Variants in CSTF2 observed in about 807,000 individuals in gnomAD.
CSTF2 encodes the protein CF-1 64 kDa subunit.
A neutral mutation model predicts 45.4 loss-of-function variants in CSTF2; 8 were observed. That is an observed-to-expected ratio of 0.18 (90% CI 0.10 to 0.32). The LOEUF is 0.32. CSTF2 is among the 10% of genes least tolerant of loss of function. The pLI, the probability that CSTF2 is intolerant of heterozygous loss-of-function variation, is 1.00. For missense variants in CSTF2, 253 were observed against 477.1 expected, an observed-to-expected ratio of 0.53 and a Z score of 4.38; for synonymous variants, 155 against 158.9, an observed-to-expected ratio of 0.98 and a Z score of 0.18.
At chrX:100,834,816 A>G (rs542493468) in intron 11 of CSTF2, among the ~76,000 whole-genome samples, 186 of 112,163 alleles carry the variant, frequency 1.7e-3, no homozygotes, top group Non-Finnish European at 2.7e-3. Context: ...CAAACAAATA[A>G]CTACATAATG....
intron 7 of CSTF2, among the ~76,000 whole-genome samples, chrX:100,827,731 T>A (rs968694564): frequency 8.9e-6 from 1 of 112,276 alleles, no homozygotes; most frequent in Non-Finnish European, 1.9e-5. Context: ...TTATCTTTCA[T>A]GACAGGAGGT....
At chrX:100,829,259 G>T (rs185254079) in intron 8 of CSTF2, among the ~76,000 whole-genome samples, 10 of 111,790 alleles carry the variant, frequency 8.9e-5, no homozygotes, top group Non-Finnish European at 1.9e-4. Context: ...GGAGGCTGAG[G>T]TGGGTGGATT....
chrX:100,821,379 C>A, intron 1 of CSTF2, 148 bp from the exon 2 acceptor site: 1 of 441,651 alleles, frequency 2.3e-6, no homozygotes, highest in East Asian at 3.8e-5. Context: ...TGGTATATTT[C>A]CTTTGTTAAG....
At position 100,824,103 on chromosome X, in the gene CSTF2, G is replaced by A. The variant is rs1216994433; in HGVS notation, c.565-17G>A. On this transcript the variant is annotated splice_polypyrimidine_tract_variant and intron_variant, in intron 5 of 13. Coordinates refer to ENST00000372972, the MANE Select transcript of CSTF2 (RefSeq NM_001325.3). The stretch of plus-strand genomic sequence containing the variant: ...TGTTAAACAGACAGCTCATAGGTTT[G>A]TCTTTTCACTTTTTAGAAAATTCTG... 1 of 1,208,816 alleles carries A rather than the reference G, an allele frequency of 8.3e-7. No homozygotes were observed. The highest frequency in any genetic ancestry group is 1.1e-6 in the Non-Finnish European group (1 of 894,653).
chrX:100,826,820 C>G, intron 7 of CSTF2, 63 bp downstream of exon 7: 2 of 1,079,208 alleles, frequency 1.9e-6, no homozygotes, highest in Non-Finnish European at 2.5e-6. Flanking sequence ...GCCACTGTTG[C>G]AGTGCAGCCA....
chrX:100,838,198 C>T, intron 12 of CSTF2, 41 bp from the exon 13 acceptor site: 2 of 1,088,171 alleles, frequency 1.8e-6, no homozygotes, highest in Admixed American at 6.1e-5. Flanking sequence ...TTTTAGCTGC[C>T]ATCATTAAAA....
intron 1 of CSTF2, chrX:100,820,794 TC>T (rs2084914271): frequency 2.5e-6 from 1 of 397,588 alleles, no homozygotes; most frequent in African/African-American, 2.5e-5. Flanking sequence ...CTTCTCATCC[TC>T]TGCCCCAGAA....
intron 8 of CSTF2, among the ~76,000 whole-genome samples, chrX:100,828,670 G>A (rs778258062): frequency 1.8e-5 from 2 of 112,220 alleles, no homozygotes; most frequent in African/African-American, 6.5e-5. Context: ...AGTAGCTGCT[G>A]CTCCAAAATC....
At chrX:100,832,312 C>T (rs1024992859) in intron 9 of CSTF2, among the ~76,000 whole-genome samples, 1 of 112,172 alleles carries the variant, frequency 8.9e-6, no homozygotes, top group Non-Finnish European at 1.9e-5. Context: ...TTACTTAGAT[C>T]ATCTTATTAA....
In CSTF2 at chrX:100,824,199, C is replaced by T. The variant is rs751357570; in HGVS notation, c.644C>T (p.Ser215Leu). The change falls in exon 6 of 14, where the codon TCA (serine) becomes TTA (leucine). Residue 215 changes from serine to leucine, a missense_variant. Ser to Leu is a moderately radical substitution (Grantham distance 145). Around this residue, in one of 3 missense-constraint regions of CSTF2, gnomAD observed 200 missense variants for 294.0 expected, o/e 0.68. Coordinates refer to ENST00000372972, the MANE Select transcript of CSTF2 (RefSeq NM_001325.3). ...CCAGTCCATGGTGCTGGGCCTGGCT[C>T]AGGATCCAATGTGTCAATGAACCAG... Reference protein sequence around the residue: ...PQPVHGAGPGSGSNVSMNQQN... With the variant: ...PQPVHGAGPGLGSNVSMNQQN... The T allele has an allele frequency of 8.3e-7, 1 of 1,211,857 alleles. No individual in the cohort carries two copies. The highest frequency in any genetic ancestry group is 1.1e-6 in the Non-Finnish European group (1 of 895,336).
In CSTF2 at chrX:100,831,471, A is replaced by T. The variant is rs748180154; in HGVS notation, c.890-44A>T. On this transcript the variant is annotated intron_variant, in intron 8 of 13. Coordinates refer to ENST00000372972, the MANE Select transcript of CSTF2 (RefSeq NM_001325.3). ...ATATAGAGTCATTTCTTGTTTGCTT[A>T]TGTGTCTTTCACAGCAGTAACTCCC... 1.7e-5 allele frequency: 20 copies of T among 1,200,867 alleles called. No homozygotes were observed. In the South Asian group the frequency reaches 2.5e-4, roughly 15 times the overall value.
chrX:100,820,621 A>G (rs1200190768), intron 1 of CSTF2, 147 bp downstream of exon 1: 2 of 596,326 alleles, frequency 3.4e-6, no homozygotes, highest in East Asian at 3.5e-5. Flanking sequence ...TGGACTCATG[A>G]GCAAAGAGAT....
intron 12 of CSTF2, 140 bp from the exon 13 acceptor site, chrX:100,838,099 G>A (rs2147895387): frequency 3.7e-6 from 2 of 541,129 alleles, no homozygotes; most frequent in African/African-American, 2.4e-5. Flanking sequence ...TGTGTGAAAT[G>A]TTCTTCCTTT....
chrX:100,826,290 GC>G (rs1361934435), intron 6 of CSTF2, among the ~76,000 whole-genome samples: 12 of 93,895 alleles, frequency 1.3e-4, no homozygotes, highest in Admixed American at 4.4e-4. Flanking sequence ...TGGGTTTAGG[GC>G]TTTTTTTTTT....
At chrX:100,823,204 C>G (rs1487331968) in intron 3 of CSTF2, 88 bp from the exon 4 acceptor site, 1 of 1,033,474 alleles carries the variant, frequency 9.7e-7, no homozygotes, top group East Asian at 3.1e-5. Flanking sequence ...TCAGCTGGTT[C>G]TTACAGCAGC....
Position 100,831,637 on chromosome X carries a change from A to C in CSTF2, c.1012A>C (p.Thr338Pro). ...DPRGGTLLSVTGEVEPRGYLG... is the reference protein window; with the variant it reads ...DPRGGTLLSVPGEVEPRGYLG... ...ACGGGGAGGCACTTTACTTTCTGTA[A>C]CTGGAGAGGTAGAGCCTAGGTAAGC... The change falls in exon 9 of 14, where the codon ACT (threonine) becomes CCT (proline). Residue 338 changes from threonine to proline, a missense_variant. By Grantham distance (38) the Thr-to-Pro change is conservative (BLOSUM62 -1). This residue lies in a region of CSTF2 where 200 missense variants were observed against 294.0 expected (regional missense o/e 0.68). Coordinates refer to ENST00000372972, the MANE Select transcript of CSTF2 (RefSeq NM_001325.3). The C allele has an allele frequency of 1.7e-6, 2 of 1,211,157 alleles. No individual in the cohort carries two copies. The highest frequency in any genetic ancestry group is 2.2e-6 in the Non-Finnish European group (2 of 895,012).
At chrX:100,831,376 A>G (rs1327631029) in intron 8 of CSTF2, 139 bp from the exon 9 acceptor site, 11 of 678,422 alleles carry the variant, frequency 1.6e-5, no homozygotes, top group Non-Finnish European at 2.6e-5. Flanking sequence ...TCTGTTCTTG[A>G]GCTGCAAGAG....
At chrX:100,833,007 T>C in intron 10 of CSTF2, 98 bp downstream of exon 10, 1 of 1,026,389 alleles carries the variant, frequency 9.7e-7, no homozygotes, top group Non-Finnish European at 1.3e-6. Flanking sequence ...TGCAAGCATC[T>C]TTAAGGTTTA....
At chrX:100,838,129 C>G (rs895696898) in intron 12 of CSTF2, 110 bp from the exon 13 acceptor site, 3 of 777,580 alleles carry the variant, frequency 3.9e-6, no homozygotes, top group Non-Finnish European at 5.2e-6. Flanking sequence ...GCTTCATATC[C>G]CACTACAGTA....
Sources: gnomAD v4.1 joint callset for allele counts (sites outside exome capture counted in the v4.1 genomes callset) on GRCh38, gnomAD v4.1.1 for gene constraint, gnomAD v4.1.1 regional missense constraint, MANE v1.5 for transcripts, NCBI Gene and HGNC (gene_info 2026-07-23, HGNC 2026-07-21) for gene names.